Variants in AXIN1 observed in about 807,000 individuals in gnomAD.
The protein encoded by AXIN1 is axin-1.
Under a neutral mutation model 76.4 loss-of-function variants are expected in AXIN1, and 30 were observed. The ratio of observed to expected loss-of-function variants is 0.39; its 90% CI spans 0.29 to 0.53. AXIN1 has a LOEUF of 0.53. Ranked by LOEUF, AXIN1 falls within the 20% of genes least tolerant of loss-of-function variation. The pLI, the probability that AXIN1 is intolerant of heterozygous loss-of-function variation, is 0.66. For synonymous variants in AXIN1, 545 were observed against 501.4 expected (o/e 1.09, Z -1.16); for missense variants, 1,140 against 1,198.8 (o/e 0.95, Z 0.72).
rs571560785 is a variant in AXIN1 at position 344,131 on chromosome 16, A to G, written c.878+2017T>C. ...AAATAAATACCACTTGGCTAAAGAC[A>G]ATGAACAAAAGGGAAAAAAGGCCGG... On this transcript the variant is annotated intron_variant, in intron 2 of 10. Coordinates refer to ENST00000262320, the MANE Select transcript of AXIN1 (RefSeq NM_003502.4). Among the ~76,000 whole-genome samples, 112 of 152,202 alleles carry G rather than the reference A, an allele frequency of 7.4e-4. No individual in the cohort carries two copies. In the Middle Eastern group the frequency reaches 0.01, roughly 14 times the overall value.
In AXIN1 at chr16:329,766, G is replaced by C. The variant is rs375035344; in HGVS notation, c.879-15083C>G. ...AGCCTCCCGAGTAGCTGGGACTACA[G>C]GTGCCAGCCACCTTGCCCGGCTATT... On this transcript the variant is annotated intron_variant, in intron 2 of 10. Coordinates refer to ENST00000262320, the MANE Select transcript of AXIN1 (RefSeq NM_003502.4). Among the ~76,000 whole-genome samples, 138 of 152,106 alleles carry C rather than the reference G, an allele frequency of 9.1e-4. No homozygotes were observed. In the East Asian group the frequency reaches 9.7e-3, roughly 11 times the overall value.
intron 2 of AXIN1, among the ~76,000 whole-genome samples, chr16:337,801 G>T (rs1466363734): frequency 1.3e-5 from 2 of 152,254 alleles, no homozygotes; most frequent in African/African-American, 4.8e-5. Context: ...AGGAGAAGGG[G>T]CATGGAATCT....
chr16:299,299 TA>T (rs1478096666), intron 5 of AXIN1: 2 of 917,892 alleles, frequency 2.2e-6, no homozygotes, highest in African/African-American at 3.6e-5. Flanking sequence ...CAGTATTGAG[TA>T]AATCTGGTGT....
intron 2 of AXIN1, among the ~76,000 whole-genome samples, chr16:332,643 T>C (rs1380302403): frequency 7.8e-6 from 1 of 128,952 alleles, no homozygotes; most frequent in African/African-American, 3.1e-5. Context: ...GATTTTGATC[T>C]AAACAATGTT....
At chr16:304,878 G>A (rs981565786) in intron 4 of AXIN1, among the ~76,000 whole-genome samples, 2 of 152,174 alleles carry the variant, frequency 1.3e-5, no homozygotes, top group Non-Finnish European at 2.9e-5. Flanking sequence ...CCTCCTTTCA[G>A]TTGGGAATCA....
chr16:330,020 C>T (rs1484369965), intron 2 of AXIN1, among the ~76,000 whole-genome samples: 3 of 151,914 alleles, frequency 2.0e-5, no homozygotes, highest in Admixed American at 1.3e-4. Flanking sequence ...CCCGCCTCGA[C>T]CTTCCAAAGT....
At chr16:311,326 A>G (rs11649281) in intron 3 of AXIN1, among the ~76,000 whole-genome samples, 75,625 of 151,292 alleles carry the variant, frequency 0.5, 19,554 homozygotes, top group South Asian at 0.67. Flanking sequence ...CACCGCGCCC[A>G]GCCCGCAACA....
chr16:304,583 G>A (rs1294552942), intron 4 of AXIN1, 142 bp from the exon 5 acceptor site: 2 of 1,311,738 alleles, frequency 1.5e-6, no homozygotes, highest in Non-Finnish European at 2.1e-6. Context: ...CACCCAGGCT[G>A]GAGTGCAATG....
intron 2 of AXIN1, among the ~76,000 whole-genome samples, chr16:328,765 T>A (rs551449620): frequency 6.6e-6 from 1 of 152,266 alleles, no homozygotes; most frequent in African/African-American, 2.4e-5. Flanking sequence ...ACACTCATGA[T>A]TTTGAAAGGC....
At chr16:328,463 C>T (rs1206426450) in intron 2 of AXIN1, among the ~76,000 whole-genome samples, 3 of 151,506 alleles carry the variant, frequency 2.0e-5, no homozygotes, top group Non-Finnish European at 4.4e-5. Context: ...TGGGAGGCCG[C>T]GGCGGGCGGA....
chr16:315,623 C>T (rs1325909607), intron 2 of AXIN1, among the ~76,000 whole-genome samples: 6 of 152,014 alleles, frequency 3.9e-5, no homozygotes, highest in African/African-American at 7.3e-5. Flanking sequence ...GTCAGGAGAT[C>T]GAGACCATCC....
At chr16:290,742 G>A (rs894507650) in intron 9 of AXIN1, 6 of 323,744 alleles carry the variant, frequency 1.9e-5, no homozygotes, top group Admixed American at 4.2e-5. Context: ...CTGACTGCAC[G>A]GGCTGGACAG....
At chr16:297,379 C>A (rs1376614244) in intron 6 of AXIN1, among the ~76,000 whole-genome samples, 153 bp from the exon 7 acceptor site, 1 of 151,848 alleles carries the variant, frequency 6.6e-6, no homozygotes, top group Non-Finnish European at 1.5e-5. Context: ...ACCCGCTGTC[C>A]CCCGCCAGCT....
intron 9 of AXIN1, chr16:290,757 G>A (rs942110256): frequency 3.2e-5 from 11 of 338,686 alleles, no homozygotes; most frequent in East Asian, 1.5e-4. Context: ...GGACAGACAC[G>A]CATGGCTGAG....
chr16:343,661 C>CT (rs2053972950), intron 2 of AXIN1, among the ~76,000 whole-genome samples: 1 of 149,918 alleles, frequency 6.7e-6, no homozygotes, highest in South Asian at 2.1e-4. Flanking sequence ...TGAGATTGCA[C>CT]TACTGCACTC....
chr16:331,227 G>T (rs1221086055), intron 2 of AXIN1, among the ~76,000 whole-genome samples: 1 of 147,048 alleles, frequency 6.8e-6, no homozygotes, highest in East Asian at 1.9e-4. Flanking sequence ...TCTAGTTAAG[G>T]TAAAAATTCT....
At chr16:337,867 C>T (rs11866815) in intron 2 of AXIN1, among the ~76,000 whole-genome samples, 44,276 of 152,246 alleles carry the variant, frequency 0.29, 7,095 homozygotes, top group African/African-American at 0.43. Flanking sequence ...CTGGACGCCA[C>T]AGCAGTATGG....
chr16:289,786 C>G, intron 9 of AXIN1, 179 bp from the exon 10 acceptor site: 1 of 760,696 alleles, frequency 1.3e-6, no homozygotes. Context: ...ATCTAGTCCG[C>G]TAGCAGTGGA....
intron 10 of AXIN1, 66 bp downstream of exon 10, chr16:289,374 C>A: frequency 6.3e-7 from 1 of 1,599,544 alleles, no homozygotes; most frequent in Non-Finnish European, 8.5e-7. Flanking sequence ...TGGAAACCCT[C>A]TTTTTCATAC....
Sources: allele counts gnomAD v4.1 joint callset (sites outside exome capture counted in the v4.1 genomes callset), GRCh38; gene constraint gnomAD v4.1.1; transcripts MANE v1.5; gene names NCBI Gene and HGNC (gene_info 2026-07-23, HGNC 2026-07-21).